Variants in SORCS1 observed in about 807,000 individuals in gnomAD.
SORCS1 encodes the protein VPS10 domain-containing receptor SorCS1.
In SORCS1, 60 loss-of-function variants were observed where a neutral mutation model predicts 146.1. The ratio of observed to expected loss-of-function variants is 0.41; its 90% CI spans 0.33 to 0.51. The LOEUF is 0.51. Ranked by LOEUF, SORCS1 falls within the 20% of genes least tolerant of loss-of-function variation. SORCS1 has a pLI of 0.21. For missense variants in SORCS1, 1,352 were observed against 1,487.6 expected, an observed-to-expected ratio of 0.91 and a Z score of 1.50; for synonymous variants, 637 against 584.0, an observed-to-expected ratio of 1.09 and a Z score of -1.31.
intron 3 of SORCS1, 66 bp downstream of exon 3, chr10:106,829,508 G>T: frequency 8.6e-7 from 1 of 1,157,654 alleles, no homozygotes; most frequent in Non-Finnish European, 1.3e-6. Context: ...GGTAGCTAGA[G>T]TGGTTAGCCA....
At chr10:107,167,050 G>A (rs2134977489), upstream of SORCS1, among the ~76,000 whole-genome samples, 1 of 152,338 alleles carries the variant, frequency 6.6e-6, no homozygotes, top group South Asian at 2.1e-4. Context: ...CAGTCCATTT[G>A]CTGGGAGTTC....
chr10:106,851,371 G>C (rs1295708342), intron 2 of SORCS1, among the ~76,000 whole-genome samples: 1 of 152,148 alleles, frequency 6.6e-6, no homozygotes, highest in East Asian at 1.9e-4. Flanking sequence ...ATTTTTGTGA[G>C]GGCTGTAAGG....
intron 18 of SORCS1, among the ~76,000 whole-genome samples, chr10:106,649,448 A>G (rs1232921546): frequency 1.3e-5 from 2 of 152,148 alleles, no homozygotes; most frequent in Admixed American, 1.3e-4. Context: ...CAATATCTCT[A>G]TTATTGTTTA....
At chr10:106,596,478 C>A (rs888176059) in intron 24 of SORCS1, among the ~76,000 whole-genome samples, 3 of 152,148 alleles carry the variant, frequency 2.0e-5, no homozygotes, top group Non-Finnish European at 4.4e-5. Flanking sequence ...ATCATCTATT[C>A]TAAGTTACTT....
At chr10:106,891,996 C>T (rs1365719363) in intron 2 of SORCS1, among the ~76,000 whole-genome samples, 1 of 152,150 alleles carries the variant, frequency 6.6e-6, no homozygotes, top group Non-Finnish European at 1.5e-5. Flanking sequence ...TTAATTCTGA[C>T]CAATTCACTC....
At chr10:106,652,676 G>T in intron 17 of SORCS1, 123 bp from the exon 18 acceptor site, 1 of 1,030,806 alleles carries the variant, frequency 9.7e-7, no homozygotes, top group Non-Finnish European at 1.4e-6. Context: ...CATCTTTCAT[G>T]CTACTATGAG....
At chr10:107,062,065 C>G (rs1219053480) in intron 1 of SORCS1, among the ~76,000 whole-genome samples, 1 of 152,102 alleles carries the variant, frequency 6.6e-6, no homozygotes, top group Non-Finnish European at 1.5e-5. Context: ...AGTCCCTCAT[C>G]TTTAGATGAG....
intron 1 of SORCS1, among the ~76,000 whole-genome samples, chr10:107,026,309 C>T (rs1247822110): frequency 1.3e-5 from 2 of 152,116 alleles, no homozygotes; most frequent in Non-Finnish European, 2.9e-5. Flanking sequence ...GTAGTAGAGG[C>T]TACTCCTAAA....
At chr10:107,170,909 A>C in the SORCS1 span, among the ~76,000 whole-genome samples, 1 of 152,152 alleles carries the variant, frequency 6.6e-6, no homozygotes, top group African/African-American at 2.4e-5. Flanking sequence ...TTAAAATCCT[A>C]AACTTGAAAG....
In SORCS1 at chr10:106,896,861, C is replaced by A. The variant is rs141387172; in HGVS notation, c.626+59652G>T. Among the ~76,000 whole-genome samples the A allele has an allele frequency of 2.2e-3, 336 of 151,300 alleles. 2 individuals are homozygous for A. Among genetic ancestry groups the A allele is most frequent in the African/African-American group, 7.5e-3 (310 of 41,138 alleles). ...AGATGTTCTGACACATTACTCACTC[C>A]ATTTCCATAATCTATGCACCAAATA... On this transcript the variant is annotated intron_variant, in intron 2 of 25. Coordinates refer to ENST00000263054, the MANE Select transcript of SORCS1 (RefSeq NM_052918.5).
intron 5 of SORCS1, among the ~76,000 whole-genome samples, chr10:106,730,503 A>G (rs1257858228): frequency 2.0e-5 from 3 of 152,174 alleles, no homozygotes; most frequent in Non-Finnish European, 4.4e-5. Context: ...CCCATAGCAC[A>G]CTGATCTAAT....
intron 2 of SORCS1, among the ~76,000 whole-genome samples, chr10:106,918,261 C>T (rs549454523): frequency 1.2e-4 from 18 of 152,214 alleles, no homozygotes; most frequent in Admixed American, 6.5e-4. Flanking sequence ...CCCTGGTTCA[C>T]GCCATTCTCC....
intron 1 of SORCS1, among the ~76,000 whole-genome samples, chr10:107,085,371 G>T (rs1357851307): frequency 1.3e-5 from 2 of 152,152 alleles, no homozygotes; most frequent in Non-Finnish European, 1.5e-5. Flanking sequence ...TCAAATTGGG[G>T]TGACTCATCA....
intron 3 of SORCS1, among the ~76,000 whole-genome samples, chr10:106,780,828 T>C (rs1860831717): frequency 6.6e-6 from 1 of 152,110 alleles, no homozygotes; most frequent in African/African-American, 2.4e-5. Flanking sequence ...CCATAGAAAG[T>C]CAATAATGGC....
chr10:106,742,641 A>G (rs2136117087), intron 5 of SORCS1, among the ~76,000 whole-genome samples: 1 of 152,286 alleles, frequency 6.6e-6, no homozygotes, highest in Non-Finnish European at 1.5e-5. Context: ...CGGCCTCCCA[A>G]AGTGCTGGGA....
intron 10 of SORCS1, among the ~76,000 whole-genome samples, chr10:106,680,937 G>A (rs1564851749): frequency 2.6e-5 from 4 of 152,150 alleles, no homozygotes; most frequent in Admixed American, 6.5e-5. Context: ...GAACGCTGGT[G>A]AAATAAAACA....
At chr10:107,036,649 G>A (rs1266784473) in intron 1 of SORCS1, among the ~76,000 whole-genome samples, 1 of 152,166 alleles carries the variant, frequency 6.6e-6, no homozygotes, top group African/African-American at 2.4e-5. Flanking sequence ...GTTCTTAACA[G>A]AGATTTCAAC....
chr10:106,837,577 C>A (rs1948838661), intron 2 of SORCS1, among the ~76,000 whole-genome samples: 1 of 150,234 alleles, frequency 6.7e-6, no homozygotes, highest in South Asian at 2.2e-4. Flanking sequence ...CTGAGACCCC[C>A]AATAACATCA....
chr10:107,023,107 A>G (rs1958221370), intron 1 of SORCS1, among the ~76,000 whole-genome samples: 1 of 152,220 alleles, frequency 6.6e-6, no homozygotes, highest in African/African-American at 2.4e-5. Flanking sequence ...TGCTATTGTG[A>G]GAGTTACATC....
Sources: gnomAD v4.1 joint callset for allele counts (sites outside exome capture counted in the v4.1 genomes callset) on GRCh38, gnomAD v4.1.1 for gene constraint, MANE v1.5 for transcripts, NCBI Gene and HGNC (gene_info 2026-07-23, HGNC 2026-07-21) for gene names.